The following LRRTM4 variants were observed in gnomAD, a reference collection of about 807,000 sequenced individuals.
LRRTM4 encodes the protein leucine rich repeat transmembrane neuronal 4, also known as leucine-rich repeat transmembrane neuronal protein 4.
In LRRTM4, 25 loss-of-function variants were observed where a neutral mutation model predicts 47.6. The ratio of observed to expected loss-of-function variants is 0.53; its 90% CI spans 0.38 to 0.73. The LOEUF (loss-of-function observed/expected upper bound fraction) is 0.73. LRRTM4 is among the 30% of genes least tolerant of loss of function. LRRTM4 has a pLI of 0.00. For missense variants in LRRTM4, 638 were observed against 713.4 expected, an observed-to-expected ratio of 0.89 and a Z score of 1.20; for synonymous variants, 311 against 269.5, an observed-to-expected ratio of 1.15 and a Z score of -1.51.
intron 3 of LRRTM4, among the ~76,000 whole-genome samples, chr2:77,176,789 G>C (rs1558619806): frequency 6.6e-6 from 1 of 152,150 alleles, no homozygotes; most frequent in Admixed American, 6.5e-5. Context: ...GGCAGGACTT[G>C]TTTTACCAGA....
chr2:77,297,127 T>C (rs924375166), intron 3 of LRRTM4, among the ~76,000 whole-genome samples: 1 of 152,146 alleles, frequency 6.6e-6, no homozygotes, highest in Non-Finnish European at 1.5e-5. Context: ...TTGTTGTTGA[T>C]GTTGTGGTGG....
rs1043772259 is a variant in LRRTM4 at position 77,339,655 on chromosome 2, C to A, written c.1551+178663G>T. Among the ~76,000 whole-genome samples, 114 of 151,950 alleles carry A rather than the reference C, an allele frequency of 7.5e-4. 2 individuals carry two copies. The highest frequency in any genetic ancestry group is 1.2e-3 in the Non-Finnish European group (83 of 67,936). Reference sequence around the variant, plus strand: ...TTTCCAGAGTCTTAGTCCTTAAATCCCCCGACTGTATTACACTGATTCCCT... The same window carrying A: ...TTTCCAGAGTCTTAGTCCTTAAATCACCCGACTGTATTACACTGATTCCCT... On this transcript the variant is annotated intron_variant, in intron 3 of 3. Coordinates refer to ENST00000409884, the MANE Select transcript of LRRTM4 (RefSeq NM_001134745.3).
At chr2:76,759,104 G>C (rs890553783) in intron 3 of LRRTM4, among the ~76,000 whole-genome samples, 73 of 152,170 alleles carry the variant, frequency 4.8e-4, no homozygotes, top group African/African-American at 1.8e-3. Flanking sequence ...CTGAGAGTTA[G>C]GCCTTGTGCT....
At chr2:77,268,200 T>G (rs574345334) in intron 3 of LRRTM4, among the ~76,000 whole-genome samples, 38 of 152,284 alleles carry the variant, frequency 2.5e-4, no homozygotes, top group African/African-American at 8.4e-4. Context: ...AAATGCCCAC[T>G]AGACATGTGC....
In LRRTM4 at chr2:76,920,494, T is replaced by C. The variant is rs559833573; in HGVS notation, c.1552-171578A>G. 2.0e-5 allele frequency among the ~76,000 whole-genome samples: 3 copies of C among 152,150 alleles called. No individual in the cohort carries two copies. In the South Asian group the frequency reaches 6.2e-4, roughly 31 times the overall value. On this transcript the variant is annotated intron_variant, in intron 3 of 3. Coordinates refer to ENST00000409884, the MANE Select transcript of LRRTM4 (RefSeq NM_001134745.3). Reference sequence around the variant, plus strand: ...GTGTGAAAGTCTGACATTGAGGTTTTAGTGATTTATTTTGGAACCTGGAGA... The same window carrying C: ...GTGTGAAAGTCTGACATTGAGGTTTCAGTGATTTATTTTGGAACCTGGAGA...
intron 3 of LRRTM4, among the ~76,000 whole-genome samples, chr2:77,304,315 A>G (rs1054565089): frequency 2.6e-5 from 4 of 152,088 alleles, no homozygotes; most frequent in African/African-American, 9.7e-5. Flanking sequence ...TTGCTATTGA[A>G]TTGTTTGAAT....
chr2:77,173,167 T>C (rs10165731), intron 3 of LRRTM4, among the ~76,000 whole-genome samples: 98,981 of 152,020 alleles, frequency 0.65, 32,241 homozygotes, highest in African/African-American at 0.7. Flanking sequence ...AGGGATTAGG[T>C]GGCAGAATCC....
rs201984584 is a variant in LRRTM4, at chr2:77,289,310, T to A, written c.1551+229008A>T. Among the ~76,000 whole-genome samples, 28 of 152,132 alleles carry A rather than the reference T, an allele frequency of 1.8e-4. No homozygotes were observed. The East Asian group carries it at 5.0e-3, about 27-fold the overall frequency. ...ATTTTTAAAAGGAAAATTTGAAAGG[T>A]AATGGATTTATCTATCCCTAACATT... On this transcript the variant is annotated intron_variant, in intron 3 of 3. Transcript: ENST00000409884.
chr2:76,763,351 A>G (rs755513622), intron 3 of LRRTM4, among the ~76,000 whole-genome samples: 2 of 152,206 alleles, frequency 1.3e-5, no homozygotes, highest in Non-Finnish European at 2.9e-5. Flanking sequence ...ATGAGGTCAC[A>G]AGGTGGGTTC....
chr2:77,136,477 A>G (rs983040715), intron 3 of LRRTM4, among the ~76,000 whole-genome samples: 2 of 152,334 alleles, frequency 1.3e-5, no homozygotes, highest in East Asian at 3.9e-4. Flanking sequence ...CCCCATCTGT[A>G]TGTCACCATC....
At position 77,518,994 on chromosome 2, in the gene LRRTM4, A is replaced by G; in HGVS notation, c.875T>C (p.Ile292Thr). The change falls in exon 3 of 4, where the codon ATC (isoleucine) becomes ACC (threonine). Residue 292 changes from isoleucine (I) to threonine (T), a missense_variant. Physicochemically the swap from Ile to Thr is moderately conservative, Grantham distance 89. Coordinates refer to ENST00000409884, the MANE Select transcript of LRRTM4 (RefSeq NM_001134745.3). Reference sequence around the variant, plus strand: ...CCACGCATTGACAGTTTCCTGTGAGATATTGGTGAGCTTGTTGGAATCCAA... The same window carrying G: ...CCACGCATTGACAGTTTCCTGTGAGGTATTGGTGAGCTTGTTGGAATCCAA... ...LNLDSNKLTN[I>T]SQETVNAWIS... 6.2e-7 allele frequency: 1 copy of G among 1,611,924 alleles called. No individual in the cohort carries two copies. Among genetic ancestry groups the G allele is most frequent in the South Asian group, 1.1e-5 (1 of 90,854 alleles).
chr2:76,928,421 T>C (rs898631686), intron 3 of LRRTM4, among the ~76,000 whole-genome samples: 1 of 152,250 alleles, frequency 6.6e-6, no homozygotes, highest in East Asian at 1.9e-4. Context: ...ATTTTGTGGT[T>C]GCAAGATCAA....
intron 3 of LRRTM4, among the ~76,000 whole-genome samples, chr2:77,125,084 T>A (rs1671619035): frequency 2.0e-5 from 3 of 152,206 alleles, no homozygotes; most frequent in Admixed American, 2.0e-4. Context: ...GAAAACTGAT[T>A]GAAAAAGATC....
chr2:76,968,674 G>A (rs1413847793), intron 3 of LRRTM4, among the ~76,000 whole-genome samples: 1 of 151,590 alleles, frequency 6.6e-6, no homozygotes, highest in Admixed American at 6.6e-5. Flanking sequence ...GACAGGTGAA[G>A]AAAAGATAAT....
intron 3 of LRRTM4, among the ~76,000 whole-genome samples, chr2:76,770,146 A>G (rs982292886): frequency 1.3e-5 from 2 of 152,202 alleles, no homozygotes; most frequent in African/African-American, 4.8e-5. Context: ...AGTTTCAAAA[A>G]GGGGCTTAGA....
In LRRTM4 at chr2:77,404,600, T is replaced by C. The variant is rs191095807; in HGVS notation, c.1551+113718A>G. On this transcript the variant is annotated intron_variant, in intron 3 of 3. Coordinates refer to ENST00000409884, the MANE Select transcript of LRRTM4 (RefSeq NM_001134745.3). ...GGGATAATTTTGTGGCTAGATATAC[T>C]GGATATACAGTGGCTTAACATATAC... Among the ~76,000 whole-genome samples the C allele has an allele frequency of 1.9e-4, 29 of 152,206 alleles. No individual in the cohort carries two copies. In the East Asian group the frequency reaches 5.2e-3, roughly 27 times the overall value.
At chr2:77,225,470 C>A (rs1378393268) in intron 3 of LRRTM4, among the ~76,000 whole-genome samples, 1 of 151,080 alleles carries the variant, frequency 6.6e-6, no homozygotes, top group Non-Finnish European at 1.5e-5. Context: ...GCGGTGTGCC[C>A]AGCACTCAAA....
intron 3 of LRRTM4, among the ~76,000 whole-genome samples, chr2:77,428,714 T>C (rs948861116): frequency 6.6e-6 from 1 of 152,232 alleles, no homozygotes; most frequent in African/African-American, 2.4e-5. Flanking sequence ...AGGCCATTCA[T>C]TAACGGAAGA....
At chr2:76,942,333 T>C (rs746885612) in intron 3 of LRRTM4, among the ~76,000 whole-genome samples, 1 of 152,184 alleles carries the variant, frequency 6.6e-6, no homozygotes, top group Non-Finnish European at 1.5e-5. Flanking sequence ...TTTGTCAATT[T>C]TGGCTTTTGT....
Sources: allele counts gnomAD v4.1 joint callset (sites outside exome capture counted in the v4.1 genomes callset), GRCh38; gene constraint gnomAD v4.1.1; transcripts MANE v1.5; gene names NCBI Gene and HGNC (gene_info 2026-07-23, HGNC 2026-07-21).